The following ZNF521 variants were observed in gnomAD, a reference collection of about 807,000 sequenced individuals.
The protein encoded by ZNF521 is zinc finger protein 521, also known as LYST-interacting protein 3.
A neutral mutation model predicts 105.5 loss-of-function variants in ZNF521; 14 were observed. That is an observed-to-expected ratio of 0.13 (90% CI 0.09 to 0.21). The LOEUF (loss-of-function observed/expected upper bound fraction) is 0.21, where lower values mean the gene tolerates loss of function less well. Ranked by LOEUF, ZNF521 falls within the 10% of genes least tolerant of loss-of-function variation. ZNF521 has a pLI of 1.00. For synonymous variants in ZNF521, 635 were observed against 606.0 expected (o/e 1.05, Z -0.70); for missense variants, 1,233 against 1,629.7 (o/e 0.76, Z 4.19).
chr18:25,264,520 T>A (rs1166789695), intron 3 of ZNF521, among the ~76,000 whole-genome samples: 1 of 152,210 alleles, frequency 6.6e-6, no homozygotes, highest in Non-Finnish European at 1.5e-5. Flanking sequence ...ATTTATCAAT[T>A]TTGTCCATAT....
chr18:25,206,515 T>C (rs1487903325), intron 4 of ZNF521, among the ~76,000 whole-genome samples: 1 of 152,142 alleles, frequency 6.6e-6, no homozygotes, highest in African/African-American at 2.4e-5. Context: ...AAGAAATACC[T>C]CGTGTTCTGG....
chr18:25,266,618 G>C (rs975092689), intron 3 of ZNF521, among the ~76,000 whole-genome samples: 1 of 152,098 alleles, frequency 6.6e-6, no homozygotes, highest in Admixed American at 6.5e-5. Context: ...TGCAGGGTGG[G>C]GTGTCGCCTC....
intron 5 of ZNF521, among the ~76,000 whole-genome samples, chr18:25,102,646 G>A (rs1480339919): frequency 6.6e-6 from 1 of 151,944 alleles, no homozygotes; most frequent in East Asian, 1.9e-4. Flanking sequence ...TTCTTGAATA[G>A]CCAGGACTAC....
intron 2 of ZNF521, chr18:25,327,749 A>T (rs1045892869): frequency 5.3e-5 from 27 of 511,616 alleles, no homozygotes; most frequent in Non-Finnish European, 9.0e-5. Flanking sequence ...ATAAAATGGC[A>T]AGCAGACTCT....
intron 3 of ZNF521, among the ~76,000 whole-genome samples, chr18:25,259,670 A>G (rs1394361710): frequency 6.6e-6 from 1 of 152,170 alleles, no homozygotes; most frequent in African/African-American, 2.4e-5. Flanking sequence ...AGATCTGTTG[A>G]GTGCCTACCA....
intron 3 of ZNF521, among the ~76,000 whole-genome samples, chr18:25,239,120 A>T (rs1487464203): frequency 6.6e-6 from 1 of 152,188 alleles, no homozygotes; most frequent in Non-Finnish European, 1.5e-5. Flanking sequence ...TTTTACAGAA[A>T]GAAAATTAGA....
rs1015360592 is a variant in ZNF521 at position 25,240,793 on chromosome 18, C to T, written c.221-13096G>A. Among the ~76,000 whole-genome samples the T allele has an allele frequency of 2.6e-5, 4 of 151,960 alleles. 1 individual carries two copies. Among genetic ancestry groups the T allele is most frequent in the East Asian group, 1.9e-4 (1 of 5,160 alleles). ...GTACAGGCTGGGTTCACAACCACTA[C>T]CCTAGATTAAAAACCCCATGGAAGC... On this transcript the variant is annotated intron_variant, in intron 3 of 7. Coordinates refer to ENST00000361524, the MANE Select transcript of ZNF521 (RefSeq NM_015461.3).
chr18:25,221,695 C>T (rs1018552592), intron 4 of ZNF521, among the ~76,000 whole-genome samples: 7 of 152,144 alleles, frequency 4.6e-5, no homozygotes, highest in Non-Finnish European at 8.8e-5. Flanking sequence ...CTATATGATA[C>T]ACCTGTCTTT....
intron 5 of ZNF521, among the ~76,000 whole-genome samples, chr18:25,121,901 T>C (rs187762574): frequency 6.6e-6 from 1 of 152,210 alleles, no homozygotes; most frequent in East Asian, 1.9e-4. Flanking sequence ...CAAGGTAAAA[T>C]TCACAATGTC....
intron 5 of ZNF521, among the ~76,000 whole-genome samples, chr18:25,168,481 T>A (rs1043088904): frequency 1.3e-5 from 2 of 152,164 alleles, no homozygotes; most frequent in African/African-American, 4.8e-5. Context: ...AAAGGTGTAG[T>A]GTGCACCCGG....
At chr18:25,214,644 G>GT (rs1304087224) in intron 4 of ZNF521, among the ~76,000 whole-genome samples, 1 of 151,972 alleles carries the variant, frequency 6.6e-6, no homozygotes, top group Non-Finnish European at 1.5e-5. Context: ...TTTGTTCAAT[G>GT]TATGTTTTAA....
intron 3 of ZNF521, among the ~76,000 whole-genome samples, chr18:25,294,530 C>T (rs974165768): frequency 2.0e-5 from 3 of 152,112 alleles, no homozygotes; most frequent in African/African-American, 4.8e-5. Context: ...CAAACCTGTC[C>T]TCTTTTTGCA....
At chr18:25,099,307 C>T (rs146548008) in intron 5 of ZNF521, among the ~76,000 whole-genome samples, 16 of 152,260 alleles carry the variant, frequency 1.1e-4, no homozygotes, top group African/African-American at 3.4e-4. Context: ...CAAAATTTTG[C>T]TCCGTTCCCT....
intron 5 of ZNF521, among the ~76,000 whole-genome samples, chr18:25,186,919 AAAGAAAAAG>A (rs2035733361): frequency 6.7e-6 from 1 of 149,252 alleles, no homozygotes; most frequent in African/African-American, 2.5e-5. Flanking sequence ...AAAAAAAAAA[AAAGAAAAAG>A]AAAGAAAAAG....
chr18:25,162,309 A>G (rs1248924646), intron 5 of ZNF521, among the ~76,000 whole-genome samples: 1 of 152,248 alleles, frequency 6.6e-6, no homozygotes. Flanking sequence ...ATAAGGTTCA[A>G]TCAAACTAAA....
At position 25,272,965 on chromosome 18, in the gene ZNF521, G is replaced by A. The variant is rs552877533; in HGVS notation, c.221-45268C>T. ...GTTTAGGCCAGGTATGGTGGCTCAC[G>A]CCTGTAATCCCAGCACTTTGGGAGG... is the stretch of plus-strand genomic sequence containing the variant. On this transcript the variant is annotated intron_variant, in intron 3 of 7. Transcript: ENST00000361524. Among the ~76,000 whole-genome samples the A allele has an allele frequency of 1.3e-4, 20 of 151,780 alleles. No individual in the cohort carries two copies. In the South Asian group the frequency reaches 3.6e-3, roughly 27 times the overall value.
At chr18:25,098,930 G>A (rs2033908917) in intron 5 of ZNF521, among the ~76,000 whole-genome samples, 1 of 152,128 alleles carries the variant, frequency 6.6e-6, no homozygotes, top group Non-Finnish European at 1.5e-5. Context: ...CAGACTAGAT[G>A]AATGGAATGA....
rs777508582 is a variant in ZNF521 at position 25,224,998 on chromosome 18, G to C, written c.2920C>G (p.Leu974Val). Residue 974 changes from leucine to valine, a missense_variant, in exon 4 of 8, where the codon CTT becomes GTT. Physicochemically the swap from Leu to Val is conservative, Grantham distance 32. Around this residue, in one of 6 missense-constraint regions of ZNF521, gnomAD observed 614 missense variants for 751.5 expected, o/e 0.82. Coordinates refer to ENST00000361524, the MANE Select transcript of ZNF521 (RefSeq NM_015461.3). ...CGERFPSLLTLTEHKVTHSKS... is the reference protein window; with the variant it reads ...CGERFPSLLTVTEHKVTHSKS... ...CTATGCGTGACTTTGTGTTCAGTAA[G>C]AGTTAAAAGGGAGGGAAACCGCTCT... 4 of 1,614,154 alleles carry C rather than the reference G, an allele frequency of 2.5e-6. No homozygotes were observed. Among genetic ancestry groups the C allele is most frequent in the Non-Finnish European group, 3.4e-6 (4 of 1,180,026 alleles).
chr18:25,328,124 C>T (rs1192650830), intron 2 of ZNF521, among the ~76,000 whole-genome samples: 2 of 152,142 alleles, frequency 1.3e-5, no homozygotes, highest in African/African-American at 4.8e-5. Flanking sequence ...GAAAAGGAAC[C>T]TGTAATCTAT....
Sources: allele counts gnomAD v4.1 joint callset (sites outside exome capture counted in the v4.1 genomes callset), GRCh38; gene constraint gnomAD v4.1.1; regional missense constraint gnomAD v4.1.1; transcripts MANE v1.5; gene names NCBI Gene and HGNC (gene_info 2026-07-23, HGNC 2026-07-21).